NFE2L3: variants seen among roughly 807,000 people sequenced by gnomAD.
The protein encoded by NFE2L3 is nuclear factor erythroid 2-related factor 3.
Under a neutral mutation model 23.5 loss-of-function variants are expected in NFE2L3, and 18 were observed. The ratio of observed to expected loss-of-function variants is 0.77; its 90% confidence interval spans 0.53 to 1.13. The LOEUF (loss-of-function observed/expected upper bound fraction) is 1.13, where lower values mean the gene tolerates loss of function less well. NFE2L3 is among the 50% of genes most tolerant of loss of function. NFE2L3 has a pLI of 0.00. For missense variants in NFE2L3, 1,152 were observed against 877.2 expected, an observed-to-expected ratio of 1.31 and a Z score of -3.96; for synonymous variants, 424 against 354.5, an observed-to-expected ratio of 1.20 and a Z score of -2.20.
intron 1 of NFE2L3, among the ~76,000 whole-genome samples, chr7:26,157,955 A>C (rs1489571650): frequency 6.6e-6 from 1 of 152,050 alleles, no homozygotes; most frequent in Non-Finnish European, 1.5e-5. Flanking sequence ...CTTCTCCATC[A>C]CCTGAGCTCT....
chr7:26,153,732 C>A (rs147154002), intron 1 of NFE2L3, among the ~76,000 whole-genome samples: 2 of 152,154 alleles, frequency 1.3e-5, no homozygotes, highest in Admixed American at 1.3e-4. Flanking sequence ...TAACAAGTTC[C>A]CTTTGGTTTA....
chr7:26,185,307 C>T lies in NFE2L3; in HGVS notation c.1609C>T (p.Arg537Cys), dbSNP rs112015493. 7.7e-5 allele frequency: 125 copies of T among 1,614,052 alleles called. 1 individual carries two copies. The highest frequency in any genetic ancestry group is 1.9e-4 in the South Asian group (17 of 91,078). The part of the protein sequence containing the change: ...YLEDTDRNLS[R>C]DEQRAKALHI... ...TGAAGACACAGATAGAAACTTGAGC[C>T]GTGATGAACAGCGTGCTAAAGCTTT... is the stretch of plus-strand genomic sequence containing the variant. The change falls in exon 4 of 4, where the codon CGT becomes TGT. Residue 537 changes from arginine (R) to cysteine (C), a missense_variant. Physicochemically the swap from Arg to Cys is radical, Grantham distance 180. Transcript: ENST00000056233.
intron 1 of NFE2L3, among the ~76,000 whole-genome samples, chr7:26,154,121 A>T (rs1471228829): frequency 2.6e-5 from 4 of 152,110 alleles, no homozygotes. Context: ...TGGAGGGGTC[A>T]TTGTGTGGAA....
chr7:26,179,844 ACGCG>A (rs1455420013), intron 2 of NFE2L3, among the ~76,000 whole-genome samples: 1 of 152,158 alleles, frequency 6.6e-6, no homozygotes, highest in Admixed American at 6.5e-5. Context: ...TCTCTTGACC[ACGCG>A]ATACATTTAA....
chr7:26,165,227 C>T (rs1453435129), intron 1 of NFE2L3, among the ~76,000 whole-genome samples: 8 of 151,950 alleles, frequency 5.3e-5, no homozygotes, highest in Non-Finnish European at 1.0e-4. Flanking sequence ...TGAATCTATA[C>T]ATTACCTTGG....
At chr7:26,162,069 G>A (rs968914324) in intron 1 of NFE2L3, among the ~76,000 whole-genome samples, 32 of 151,878 alleles carry the variant, frequency 2.1e-4, no homozygotes, top group African/African-American at 7.5e-4. Context: ...CTTGAACCCG[G>A]GAGGTGGAGG....
At chr7:26,183,999 A>G in intron 3 of NFE2L3, 2 of 521,088 alleles carry the variant, frequency 3.8e-6, no homozygotes, top group South Asian at 5.8e-5. Flanking sequence ...CATGGAAAAC[A>G]GCGTGGAGAT....
intron 2 of NFE2L3, among the ~76,000 whole-genome samples, chr7:26,179,125 T>C (rs1302535116): frequency 6.6e-6 from 1 of 152,004 alleles, no homozygotes; most frequent in African/African-American, 2.4e-5. Flanking sequence ...TAGAGCCCCT[T>C]GGTGAAATCT....
rs749578659 is a variant in NFE2L3, at chr7:26,185,420, A to T, written c.1722A>T (p.Leu574=). The stretch of plus-strand genomic sequence containing the variant: ...TAAGTAGATATTATCTGACAGACCT[A>T]CAAGTCTCACTTATCCGTGACATCA... ...SMLSRYYLTD[L]QVSLIRDIRR... is the part of the protein sequence containing the mutation. Residue 574 remains leucine (L), a synonymous_variant, in exon 4 of 4, where the codon CTA becomes CTT. Coordinates refer to ENST00000056233, the MANE Select transcript of NFE2L3 (RefSeq NM_004289.7). 8 of 1,614,154 alleles carry T rather than the reference A, an allele frequency of 5.0e-6. No individual in the cohort carries two copies. Among genetic ancestry groups the T allele is most frequent in the South Asian group, 1.1e-5 (1 of 91,080 alleles).
chr7:26,165,332 T>TGG (rs1198052606), intron 1 of NFE2L3, among the ~76,000 whole-genome samples: 2 of 152,224 alleles, frequency 1.3e-5, no homozygotes, highest in Non-Finnish European at 2.9e-5. Context: ...CGTTGAGCAG[T>TGG]GGTTTGTAGT....
Position 26,177,990 on chromosome 7 carries a change from C to G in NFE2L3, c.618C>G (p.Ser206=), listed in dbSNP as rs371731215. The G allele has an allele frequency of 7.4e-6, 12 of 1,613,852 alleles. No individual in the cohort carries two copies. The highest frequency in any genetic ancestry group is 1.7e-5 in the Admixed American group (1 of 59,988). ...REKHEAVDHS[S]QHEENEERVS... ...AGCACGAAGCTGTGGATCATAGTTC[C>G]CAGCATGAGGAAAATGAAGAAAGGG... Residue 206 remains serine, a synonymous_variant, in exon 2 of 4, where the codon TCC becomes TCG. Coordinates refer to ENST00000056233, the MANE Select transcript of NFE2L3 (RefSeq NM_004289.7).
At chr7:26,156,756 G>A (rs933759302) in intron 1 of NFE2L3, among the ~76,000 whole-genome samples, 1 of 152,144 alleles carries the variant, frequency 6.6e-6, no homozygotes, top group Non-Finnish European at 1.5e-5. Flanking sequence ...TTCCTATCCT[G>A]GTACAGAGAC....
chr7:26,185,605 A>T lies in NFE2L3; in HGVS notation c.1907A>T (p.Gln636Leu). ...AACAAAGCTATTAACATAATGAAAC[A>T]GAAACTGCATGACCTTTATCATGAT... is the stretch of plus-strand genomic sequence containing the variant. ...QCNKAINIMK[Q>L]KLHDLYHDIF... The change falls in exon 4 of 4, where the codon CAG becomes CTG. Residue 636 changes from glutamine to leucine, a missense_variant. Transcript: ENST00000056233. 1 of 1,613,594 alleles carries T rather than the reference A, an allele frequency of 6.2e-7. No homozygotes were observed. Among genetic ancestry groups the T allele is most frequent in the Non-Finnish European group, 8.5e-7 (1 of 1,179,646 alleles).
intron 1 of NFE2L3, chr7:26,173,489 TTC>T (rs1196102196): frequency 2.6e-5 from 4 of 152,344 alleles, no homozygotes; most frequent in African/African-American, 4.8e-5. Flanking sequence ...GATTAGAAGT[TTC>T]TCTCTCTACC....
In NFE2L3 at chr7:26,184,747, C is replaced by T. The variant is rs1305386505; in HGVS notation, c.1049C>T (p.Thr350Ile). 6.2e-7 allele frequency: 1 copy of T among 1,613,818 alleles called. No homozygotes were observed. Among genetic ancestry groups the T allele is most frequent in the Non-Finnish European group, 8.5e-7 (1 of 1,179,850 alleles). The change falls in exon 4 of 4, where the codon ACC becomes ATC. Residue 350 changes from threonine to isoleucine, a missense_variant. By Grantham distance (89) the Thr-to-Ile change is moderately conservative. Coordinates refer to ENST00000056233, the MANE Select transcript of NFE2L3 (RefSeq NM_004289.7). ...TTTCTGCAGTTAAATTCTCATACCACCAATCCTGAGCAAACCCTTCCTGGA... is the reference window on the plus strand; with the variant it reads ...TTTCTGCAGTTAAATTCTCATACCATCAATCCTGAGCAAACCCTTCCTGGA... ...EPFLQLNSHT[T>I]NPEQTLPGTN...
intron 1 of NFE2L3, among the ~76,000 whole-genome samples, chr7:26,163,681 A>C (rs1784205038): frequency 6.6e-6 from 1 of 152,092 alleles, no homozygotes; most frequent in Non-Finnish European, 1.5e-5. Flanking sequence ...TTATACTTTA[A>C]GTTTTAGGGT....
chr7:26,184,559 TC>T lies in NFE2L3; in HGVS notation c.863del (p.Pro288GlnfsTer8). The T allele has an allele frequency of 6.2e-7, 1 of 1,613,166 alleles. No individual in the cohort carries two copies. The highest frequency in any genetic ancestry group is 8.5e-7 in the Non-Finnish European group (1 of 1,179,340). On this transcript the variant is annotated frameshift_variant, in exon 4 of 4. Transcript: ENST00000056233. LOFTEE classifies it low-confidence loss of function (END_TRUNC). ...GCATCTCATTGGGAGATATTCCTCT[TC>T]CAGGCAGTATCAGTGATGGCATGAA... The part of the protein sequence containing the change: ...EGISLGDIPL[P>X]GSISDGMNSS...
intron 1 of NFE2L3, among the ~76,000 whole-genome samples, chr7:26,172,216 G>C (rs905651590): frequency 1.3e-5 from 2 of 152,234 alleles, no homozygotes; most frequent in Admixed American, 6.5e-5. Flanking sequence ...CTAACCCTTT[G>C]CTGTTGCCTT....
At chr7:26,175,137 G>A (rs376228620) in intron 1 of NFE2L3, among the ~76,000 whole-genome samples, 1 of 150,412 alleles carries the variant, frequency 6.6e-6, no homozygotes, top group African/African-American at 2.5e-5. Context: ...ATGAGGTCAG[G>A]AGATTGAGAC....
Sources: gnomAD v4.1 joint callset for allele counts (sites outside exome capture counted in the v4.1 genomes callset) on GRCh38, gnomAD v4.1.1 for gene constraint, MANE v1.5 for transcripts, NCBI Gene and HGNC (gene_info 2026-07-23, HGNC 2026-07-21) for gene names.